Variants in KNTC1 observed in about 807,000 individuals in gnomAD.
The protein encoded by KNTC1 is kinetochore associated 1, also known as kinetochore-associated protein 1.
In KNTC1, 253 loss-of-function variants were observed where a neutral mutation model predicts 314.4. That is an observed-to-expected ratio of 0.80 (90% CI 0.73 to 0.89). The LOEUF (loss-of-function observed/expected upper bound fraction) is 0.89. Ranked by LOEUF, KNTC1 falls within the 40% of genes least tolerant of loss-of-function variation. The pLI is 0.00. For synonymous variants in KNTC1, 901 were observed against 901.4 expected (o/e 1.00, Z 0.01); for missense variants, 2,475 against 2,572.9 (o/e 0.96, Z 0.82).
At chr12:122,593,031 A>T (rs1593634954) in intron 42 of KNTC1, 1 of 154,454 alleles carries the variant, frequency 6.5e-6, no homozygotes. Flanking sequence ...CTCACTGCGA[A>T]GGTCTGCAGC....
In KNTC1 at chr12:122,551,543, T is replaced by A. The variant is rs1565946549; in HGVS notation, c.1196+20T>A. ...AAACAGGTAACTTCTCATTTTTTTT[T>A]AAGCTTTATCCTTTAGTGAATAACT... On this transcript the variant is annotated intron_variant, in intron 15 of 63. Coordinates refer to ENST00000333479, the MANE Select transcript of KNTC1 (RefSeq NM_014708.6). The A allele has an allele frequency of 2.5e-6, 4 of 1,606,220 alleles. No homozygotes were observed. The highest frequency in any genetic ancestry group is 2.6e-6 in the Non-Finnish European group (3 of 1,174,050).
chr12:122,593,281 T>A (rs1339080262), intron 42 of KNTC1: 1 of 157,228 alleles, frequency 6.4e-6, no homozygotes, highest in Non-Finnish European at 1.4e-5. Context: ...TTTTTTTTTT[T>A]TGAGACAGAG....
At chr12:122,616,134 T>C (rs1366463558) in intron 57 of KNTC1, among the ~76,000 whole-genome samples, 2 of 149,752 alleles carry the variant, frequency 1.3e-5, no homozygotes, top group Admixed American at 1.3e-4. Flanking sequence ...TAATTTATTC[T>C]TTGTTTGATA....
rs555376276 is a variant in KNTC1 at position 122,608,785 on chromosome 12, A to G, written c.5497-599A>G. ...AAATTATCTAATACGGGGCTGGGCA[A>G]GGTAGCTCATGACTGTAATCTCAGC... On this transcript the variant is annotated intron_variant, in intron 51 of 63. Coordinates refer to ENST00000333479, the MANE Select transcript of KNTC1 (RefSeq NM_014708.6). 5.3e-5 allele frequency among the ~76,000 whole-genome samples: 8 copies of G among 152,260 alleles called. No homozygotes were observed. The South Asian group carries it at 1.0e-3, about 20-fold the overall frequency.
intron 51 of KNTC1, among the ~76,000 whole-genome samples, chr12:122,608,044 T>C (rs1872725244): frequency 6.6e-6 from 1 of 152,204 alleles, no homozygotes; most frequent in African/African-American, 2.4e-5. Context: ...AATTCCTATA[T>C]CCACCTAGGC....
rs746786080 is a variant in KNTC1 at position 122,603,086 on chromosome 12, G to A, written c.4944G>A (p.Lys1648=). 15 of 1,613,612 alleles carry A rather than the reference G, an allele frequency of 9.3e-6. No individual in the cohort carries two copies. The highest frequency in any genetic ancestry group is 1.6e-4 in the Middle Eastern group (1 of 6,084). The stretch of plus-strand genomic sequence containing the variant: ...AACACGTTTTCGAAAAAAAACTGAA[G>A]CCAAAGCTCCTGAAGTTAACACAAG... ...TAKHVFEKKL[K]PKLLKLTQAK... The change falls in exon 48 of 64, where the codon AAG becomes AAA. Residue 1648 remains lysine, a synonymous_variant. Coordinates refer to ENST00000333479, the MANE Select transcript of KNTC1 (RefSeq NM_014708.6).
At chr12:122,617,840 A>G (rs1380387746) in intron 57 of KNTC1, among the ~76,000 whole-genome samples, 1 of 152,236 alleles carries the variant, frequency 6.6e-6, no homozygotes, top group African/African-American at 2.4e-5. Context: ...AGTGTTCCGT[A>G]TCAGCGCATA....
At chr12:122,533,324 G>A (rs918376774) in intron 2 of KNTC1, among the ~76,000 whole-genome samples, 4 of 152,018 alleles carry the variant, frequency 2.6e-5, no homozygotes, top group South Asian at 2.1e-4. Context: ...CCGCCACCAC[G>A]CCCGGCTAAT....
At chr12:122,593,495 C>A (rs960742843) in intron 42 of KNTC1, 1 of 152,056 alleles carries the variant, frequency 6.6e-6, no homozygotes, top group Non-Finnish European at 1.5e-5. Flanking sequence ...CATCTCTTGA[C>A]CTCGTGATCC....
At chr12:122,528,247 C>A (rs1357521835) in intron 1 of KNTC1, among the ~76,000 whole-genome samples, 3 of 152,230 alleles carry the variant, frequency 2.0e-5, no homozygotes, top group Non-Finnish European at 2.9e-5. Context: ...CCTCCTTCTT[C>A]ATCTCCTCAC....
chr12:122,601,759 T>A (rs963743675), intron 45 of KNTC1, 134 bp downstream of exon 45: 18 of 912,142 alleles, frequency 2.0e-5, no homozygotes, highest in Admixed American at 4.4e-5. Context: ...TTTAGGTTTT[T>A]AAAAATCTTT....
At chr12:122,557,244 T>C in intron 16 of KNTC1, 140 bp from the exon 17 acceptor site, 1 of 749,770 alleles carries the variant, frequency 1.3e-6, no homozygotes, top group East Asian at 2.7e-5. Flanking sequence ...TGAATGTTAC[T>C]TTCTTTAAAT....
rs763292788 is a variant in KNTC1, at chr12:122,547,554, G to A, written c.932+24G>A. On this transcript the variant is annotated intron_variant, in intron 11 of 63. Coordinates refer to ENST00000333479, the MANE Select transcript of KNTC1 (RefSeq NM_014708.6). ...TGGTATGTTATGACTATGGCTAGTA[G>A]TCATTTCCCTTCTGTTAGTACCAGG... 2.9e-6 allele frequency: 4 copies of A among 1,395,522 alleles called. No individual in the cohort carries two copies. The Admixed American group carries it at 6.9e-5, about 24-fold the overall frequency. 86.4% of individuals were successfully genotyped at this position (1,395,522 alleles called of 1,614,324 possible).
At chr12:122,591,788 A>C (rs1342326059) in intron 42 of KNTC1, among the ~76,000 whole-genome samples, 2 of 152,142 alleles carry the variant, frequency 1.3e-5, no homozygotes, top group African/African-American at 2.4e-5. Flanking sequence ...CTGTTATTTA[A>C]AGATAATATT....
intron 5 of KNTC1, among the ~76,000 whole-genome samples, chr12:122,541,308 C>CCTTCCTT (rs1325454079): frequency 6.9e-6 from 1 of 145,058 alleles, no homozygotes; most frequent in East Asian, 2.0e-4. Flanking sequence ...TTCCTTCCTT[C>CCTTCCTT]CTTCCTTCCT....
intron 2 of KNTC1, among the ~76,000 whole-genome samples, chr12:122,534,288 C>T (rs1399572407): frequency 1.3e-5 from 2 of 152,120 alleles, no homozygotes; most frequent in African/African-American, 4.8e-5. Flanking sequence ...CATGGACCCT[C>T]CAGTTCACAG....
At chr12:122,543,838 T>C (rs1282421581) in intron 7 of KNTC1, among the ~76,000 whole-genome samples, 1 of 152,052 alleles carries the variant, frequency 6.6e-6, no homozygotes, top group Admixed American at 6.6e-5. Flanking sequence ...TCACCTGAGG[T>C]CCGGAGTTCG....
At chr12:122,558,095 A>C (rs7955203) in intron 18 of KNTC1, among the ~76,000 whole-genome samples, 1 of 151,808 alleles carries the variant, frequency 6.6e-6, no homozygotes, top group Non-Finnish European at 1.5e-5. Context: ...ACTAAAAATA[A>C]AAAAATTAGT....
chr12:122,609,503 C>T (rs912260372), intron 52 of KNTC1, 73 bp downstream of exon 52: 3 of 1,040,998 alleles, frequency 2.9e-6, no homozygotes, highest in Non-Finnish European at 4.2e-6. Flanking sequence ...CATTTTTCAG[C>T]AGTTGATTTT....
Sources: allele counts gnomAD v4.1 joint callset (sites outside exome capture counted in the v4.1 genomes callset), GRCh38; gene constraint gnomAD v4.1.1; transcripts MANE v1.5; gene names NCBI Gene and HGNC (gene_info 2026-07-23, HGNC 2026-07-21).